The following RYR3 variants were observed in gnomAD, a reference collection of about 807,000 sequenced individuals.
The protein encoded by RYR3 is ryanodine receptor 3, also known as brain ryanodine receptor-calcium release channel.
A neutral mutation model predicts 584.3 loss-of-function variants in RYR3; 207 were observed. The ratio of observed to expected loss-of-function variants is 0.35; its 90% CI spans 0.32 to 0.40. RYR3 has a LOEUF of 0.40. RYR3 is among the 10% of genes least tolerant of loss of function. The pLI is 1.00. For missense variants in RYR3, 5,616 were observed against 6,089.2 expected (o/e 0.92, Z 2.59); for synonymous variants, 2,416 against 2,248.5 (o/e 1.07, Z -2.11).
At chr15:33,341,470 A>G (rs1273759406) in intron 1 of RYR3, among the ~76,000 whole-genome samples, 1 of 152,184 alleles carries the variant, frequency 6.6e-6, no homozygotes, top group Non-Finnish European at 1.5e-5. Flanking sequence ...TATCATTCTA[A>G]TATTAAATTT....
chr15:33,347,375 A>G (rs1004208942), intron 1 of RYR3, among the ~76,000 whole-genome samples: 6 of 151,668 alleles, frequency 4.0e-5, no homozygotes, highest in Non-Finnish European at 7.4e-5. Context: ...ATGGATATTT[A>G]TTCTGTATCT....
At chr15:33,438,105 T>C (rs148707474) in intron 1 of RYR3, among the ~76,000 whole-genome samples, 1 of 152,374 alleles carries the variant, frequency 6.6e-6, no homozygotes, top group Non-Finnish European at 1.5e-5. Context: ...AACGATGTGA[T>C]GTTTTTTGAA....
At chr15:33,636,685 C>T (rs921572484) in intron 27 of RYR3, 135 bp downstream of exon 27, 51 of 721,518 alleles carry the variant, frequency 7.1e-5, no homozygotes, top group African/African-American at 6.0e-4. Flanking sequence ...ATGGTGAAGA[C>T]GATCCCATAG....
intron 43 of RYR3, among the ~76,000 whole-genome samples, chr15:33,709,688 C>T (rs1439069070): frequency 6.6e-6 from 1 of 152,192 alleles, no homozygotes; most frequent in African/African-American, 2.4e-5. Flanking sequence ...TTAACAGATG[C>T]ACCTCCTTGA....
intron 3 of RYR3, among the ~76,000 whole-genome samples, chr15:33,530,049 G>A (rs1233845420): frequency 1.3e-5 from 2 of 152,066 alleles, no homozygotes; most frequent in Non-Finnish European, 2.9e-5. Flanking sequence ...TGCATAACTG[G>A]TTACCCTTTT....
At chr15:33,455,094 A>G (rs1364970797) in intron 1 of RYR3, among the ~76,000 whole-genome samples, 1 of 152,164 alleles carries the variant, frequency 6.6e-6, no homozygotes, top group Non-Finnish European at 1.5e-5. Context: ...GAACGGAGAG[A>G]AGCAAAGGAA....
intron 64 of RYR3, among the ~76,000 whole-genome samples, chr15:33,779,884 G>A (rs1174423969): frequency 1.3e-5 from 2 of 152,224 alleles, no homozygotes; most frequent in Non-Finnish European, 1.5e-5. Flanking sequence ...GGTGGTGGGC[G>A]CATGTAGTGC....
chr15:33,528,554 A>T (rs2054586432), intron 3 of RYR3, among the ~76,000 whole-genome samples: 1 of 152,168 alleles, frequency 6.6e-6, no homozygotes, highest in South Asian at 2.1e-4. Context: ...TCATTTTTAT[A>T]CACAAATCTC....
chr15:33,786,190 C>T (rs904329544), intron 66 of RYR3, among the ~76,000 whole-genome samples: 1 of 152,204 alleles, frequency 6.6e-6, no homozygotes, highest in Non-Finnish European at 1.5e-5. Context: ...GGCCCACTCC[C>T]CTACTCATCC....
chr15:33,439,902 T>C (rs951960887), intron 1 of RYR3, among the ~76,000 whole-genome samples: 1 of 152,194 alleles, frequency 6.6e-6, no homozygotes, highest in Non-Finnish European at 1.5e-5. Flanking sequence ...AAAAAGTGCC[T>C]TTTTATGTGT....
intron 70 of RYR3, among the ~76,000 whole-genome samples, chr15:33,809,563 C>T (rs575170867): frequency 6.6e-6 from 1 of 151,750 alleles, no homozygotes; most frequent in South Asian, 2.1e-4. Context: ...CAGTGGGTTC[C>T]CTGGGGCTGC....
rs1401792313 is a variant in RYR3, at chr15:33,834,998, G to A, written c.11494G>A (p.Ala3832Thr). The A allele has an allele frequency of 3.7e-6, 6 of 1,613,784 alleles. No individual in the cohort carries two copies. The highest frequency in any genetic ancestry group is 4.2e-6 in the Non-Finnish European group (5 of 1,179,844). The change falls in exon 87 of 104, where the codon GCT becomes ACT. Residue 3832 changes from alanine to threonine, a missense_variant. By Grantham distance (58) the Ala-to-Thr change is moderately conservative. Around this residue, in one of 9 missense-constraint regions of RYR3, gnomAD observed 954 missense variants for 1,132.2 expected, o/e 0.84. Transcript: ENST00000634891. ...TTGCATTGGTAATCAACAGAGCCTG[G>A]CTCACAGCAGGCTGTGGGACGCAGT... ...GPCIGNQQSL[A>T]HSRLWDAVVG...
At chr15:33,580,921 C>T (rs1402687196) in intron 13 of RYR3, among the ~76,000 whole-genome samples, 1 of 152,128 alleles carries the variant, frequency 6.6e-6, no homozygotes, top group African/African-American at 2.4e-5. Flanking sequence ...ATCTCCCTCC[C>T]ATGCGCTAAG....
intron 43 of RYR3, among the ~76,000 whole-genome samples, chr15:33,719,348 T>G (rs906473214): frequency 2.0e-5 from 3 of 152,186 alleles, no homozygotes; most frequent in Admixed American, 6.5e-5. Context: ...ACAGTCTGAT[T>G]TTTCAACTTC....
At chr15:33,723,558 C>T (rs1456040976) in intron 44 of RYR3, among the ~76,000 whole-genome samples, 2 of 152,188 alleles carry the variant, frequency 1.3e-5, no homozygotes, top group African/African-American at 2.4e-5. Flanking sequence ...AACCCAGCAG[C>T]AGAAACTCTT....
At chr15:33,860,311 G>A (rs1241201395) in intron 100 of RYR3, among the ~76,000 whole-genome samples, 1 of 152,052 alleles carries the variant, frequency 6.6e-6, no homozygotes, top group Non-Finnish European at 1.5e-5. Flanking sequence ...AACACAAATA[G>A]CTAAGCAAAA....
intron 94 of RYR3, among the ~76,000 whole-genome samples, chr15:33,848,791 C>T (rs193247386): frequency 3.4e-4 from 51 of 149,770 alleles, no homozygotes; most frequent in African/African-American, 1.2e-3. Context: ...CCTTCCATGG[C>T]ACAGCACTGC....
chr15:33,663,924 G>A (rs1472513178), intron 36 of RYR3, among the ~76,000 whole-genome samples, 187 bp downstream of exon 36: 1 of 152,180 alleles, frequency 6.6e-6, no homozygotes, highest in Non-Finnish European at 1.5e-5. Context: ...ATTCTCTTGG[G>A]TAGGAAAATA....
At chr15:33,523,712 C>A (rs2054183050) in intron 3 of RYR3, among the ~76,000 whole-genome samples, 1 of 152,026 alleles carries the variant, frequency 6.6e-6, no homozygotes, top group Non-Finnish European at 1.5e-5. Context: ...TGCACCAAGT[C>A]CCCAAAAACA....
Sources: gnomAD v4.1 joint callset for allele counts (sites outside exome capture counted in the v4.1 genomes callset) on GRCh38, gnomAD v4.1.1 for gene constraint, gnomAD v4.1.1 regional missense constraint, MANE v1.5 for transcripts, NCBI Gene and HGNC (gene_info 2026-07-23, HGNC 2026-07-21) for gene names.